Variants in ZCWPW2 observed in about 807,000 individuals in gnomAD.
ZCWPW2 encodes the protein zinc finger CW-type PWWP domain protein 2.
A neutral mutation model predicts 46.6 loss-of-function variants in ZCWPW2; 45 were observed. That is an observed-to-expected ratio of 0.96 (90% CI 0.76 to 1.24). The LOEUF (loss-of-function observed/expected upper bound fraction) is 1.24, where lower values mean the gene tolerates loss of function less well. Ranked by LOEUF, ZCWPW2 falls within the 50% of genes most tolerant of loss-of-function variation. The pLI is 0.00. For synonymous variants in ZCWPW2, 152 were observed against 137.1 expected, an observed-to-expected ratio of 1.11 and a Z score of -0.76; for missense variants, 429 against 403.9, an observed-to-expected ratio of 1.06 and a Z score of -0.53.
chr3:28,470,233 G>A (rs896344971), intron 4 of ZCWPW2, among the ~76,000 whole-genome samples: 4 of 152,096 alleles, frequency 2.6e-5, no homozygotes, highest in Non-Finnish European at 5.9e-5. Context: ...AGTGGCTCGC[G>A]CCTGTAATCC....
intron 6 of ZCWPW2, among the ~76,000 whole-genome samples, chr3:28,504,105 G>A (rs72909087): frequency 0.16 from 24,952 of 151,906 alleles, 2,413 homozygotes; most frequent in East Asian, 0.45. Flanking sequence ...GCTGAGGTGG[G>A]AGGATCCCCT....
chr3:28,510,915 G>A (rs1177115091), intron 6 of ZCWPW2: 1 of 355,392 alleles, frequency 2.8e-6, no homozygotes, highest in Admixed American at 3.5e-5. Context: ...AGTAGGGAAT[G>A]AAACAATTAG....
intron 6 of ZCWPW2, among the ~76,000 whole-genome samples, chr3:28,497,721 T>G (rs933558904): frequency 1.3e-5 from 2 of 152,082 alleles, no homozygotes; most frequent in Non-Finnish European, 2.9e-5. Flanking sequence ...GTTGCCATCT[T>G]CAATACTATT....
At chr3:28,492,456 A>T (rs931681429) in intron 6 of ZCWPW2, among the ~76,000 whole-genome samples, 5 of 152,086 alleles carry the variant, frequency 3.3e-5, no homozygotes, top group African/African-American at 1.2e-4. Context: ...TCATATACAT[A>T]CTCATATACT....
At chr3:28,436,822 A>G (rs1301679414) in intron 4 of ZCWPW2, among the ~76,000 whole-genome samples, 3 of 152,176 alleles carry the variant, frequency 2.0e-5, no homozygotes, top group South Asian at 4.1e-4. Context: ...ACCACAGAAG[A>G]CAGGATAGAA....
intron 1 of ZCWPW2, among the ~76,000 whole-genome samples, chr3:28,379,840 A>G (rs1705616713): frequency 6.6e-6 from 1 of 152,196 alleles, no homozygotes; most frequent in Non-Finnish European, 1.5e-5. Context: ...ACATATCAAG[A>G]AGTTTCTTAG....
At chr3:28,408,081 C>T (rs1010868791) in intron 2 of ZCWPW2, among the ~76,000 whole-genome samples, 1 of 152,028 alleles carries the variant, frequency 6.6e-6, no homozygotes, top group Non-Finnish European at 1.5e-5. Context: ...TCTAAAATAC[C>T]AAGAGGTTTA....
intron 9 of ZCWPW2, 94 bp from the exon 10 acceptor site, chr3:28,524,433 A>G (rs1473188689): frequency 7.7e-7 from 1 of 1,297,904 alleles, no homozygotes; most frequent in Admixed American, 2.3e-5. Flanking sequence ...AAGTTTGTGT[A>G]GCTAATGTGG....
At chr3:28,384,972 T>C (rs1268918827) in intron 1 of ZCWPW2, among the ~76,000 whole-genome samples, 1 of 152,234 alleles carries the variant, frequency 6.6e-6, no homozygotes, top group Non-Finnish European at 1.5e-5. Flanking sequence ...TTCAATATTA[T>C]ACATATTTTA....
chr3:28,357,080 A>G (rs1240588843), intron 1 of ZCWPW2, among the ~76,000 whole-genome samples: 1 of 152,224 alleles, frequency 6.6e-6, no homozygotes, highest in Non-Finnish European at 1.5e-5. Flanking sequence ...TAAAGAAAAA[A>G]AAATCCATTT....
chr3:28,459,505 A>G (rs1698549605), intron 4 of ZCWPW2, among the ~76,000 whole-genome samples: 2 of 152,224 alleles, frequency 1.3e-5, no homozygotes, highest in African/African-American at 4.8e-5. Flanking sequence ...TAAAGAAGAT[A>G]TTTATGTGAA....
At chr3:28,457,463 T>C (rs1304071311) in intron 4 of ZCWPW2, among the ~76,000 whole-genome samples, 1 of 152,222 alleles carries the variant, frequency 6.6e-6, no homozygotes, top group Non-Finnish European at 1.5e-5. Flanking sequence ...ATTAATATTG[T>C]GGCTTAAAAT....
intron 4 of ZCWPW2, among the ~76,000 whole-genome samples, chr3:28,463,415 C>CTG (rs1698715333): frequency 1.3e-5 from 2 of 151,978 alleles, no homozygotes; most frequent in Non-Finnish European, 2.9e-5. Flanking sequence ...TACTACAGAG[C>CTG]TGCCTTGAAA....
At chr3:28,410,632 TTAAAAC>T (rs1463199188) in intron 2 of ZCWPW2, among the ~76,000 whole-genome samples, 1 of 151,926 alleles carries the variant, frequency 6.6e-6, no homozygotes, top group Non-Finnish European at 1.5e-5. Context: ...AACCTTGTGT[TTAAAAC>T]TAAATAATAA....
rs145489527 is a variant in ZCWPW2 at position 28,425,335 on chromosome 3, A to G, written c.333-9775A>G. Among the ~76,000 whole-genome samples, 244 of 152,352 alleles carry G rather than the reference A, an allele frequency of 1.6e-3. 3 individuals carry two copies. Among genetic ancestry groups the G allele is most frequent in the African/African-American group, 5.5e-3 (229 of 41,578 alleles). ...GATTAAGAAACTCAAATATACTTAT[A>G]TTGCTTATTCAGTAACACAAATATA... On this transcript the variant is annotated intron_variant, in intron 3 of 9. Transcript: ENST00000383768.
intron 1 of ZCWPW2, among the ~76,000 whole-genome samples, chr3:28,357,797 TTA>T (rs3068920): frequency 0.017 from 2,445 of 140,276 alleles, 34 homozygotes; most frequent in East Asian, 0.045. Context: ...TTGGTATATT[TTA>T]TATATATATA....
chr3:28,372,078 T>C (rs1705354228), intron 1 of ZCWPW2, among the ~76,000 whole-genome samples: 1 of 151,936 alleles, frequency 6.6e-6, no homozygotes, highest in African/African-American at 2.4e-5. Context: ...CCTTTCTTCA[T>C]TTTTTGCTTG....
Position 28,366,164 on chromosome 3 carries a change from G to C in ZCWPW2, c.-134+16961G>C, listed in dbSNP as rs1426092126. ...TTCTCCTGCCTGATTACCCTGGCCA[G>C]AACTTCCAACACTATGTTGATTAGG... On this transcript the variant is annotated intron_variant, in intron 1 of 9. Coordinates refer to ENST00000383768, the MANE Select transcript of ZCWPW2 (RefSeq NM_001040432.4). Among the ~76,000 whole-genome samples, 26 of 142,500 alleles carry C rather than the reference G, an allele frequency of 1.8e-4. 1 individual carries two copies. Among genetic ancestry groups the C allele is most frequent in the African/African-American group, 6.8e-4 (26 of 38,300 alleles). The allele number at this position is 142,500 out of a possible 152,430, so 93.5% of individuals were successfully genotyped here. A position where few individuals can be genotyped will look rare whatever the true frequency, so the allele number is the denominator to read the frequency against.
In ZCWPW2 at chr3:28,453,286, A is replaced by C. The variant is rs191144268; in HGVS notation, c.492+18017A>C. 2.6e-5 allele frequency among the ~76,000 whole-genome samples: 4 copies of C among 152,248 alleles called. No individual in the cohort carries two copies. The East Asian group carries it at 5.8e-4, about 22-fold the overall frequency. The stretch of plus-strand genomic sequence containing the variant: ...TATGCTGACTTCGCAGCACCAACTA[A>C]ATTGTTGAATTCACCTCTATCATCT... On this transcript the variant is annotated intron_variant, in intron 4 of 9. Coordinates refer to ENST00000383768, the MANE Select transcript of ZCWPW2 (RefSeq NM_001040432.4).
Sources: allele counts gnomAD v4.1 joint callset (sites outside exome capture counted in the v4.1 genomes callset), GRCh38; gene constraint gnomAD v4.1.1; transcripts MANE v1.5; gene names NCBI Gene and HGNC (gene_info 2026-07-23, HGNC 2026-07-21).